Variants in GRIA3 observed in about 807,000 individuals in gnomAD.
GRIA3 encodes glutamate receptor 3.
GRIA3 carries 3 observed loss-of-function variants against 63.0 expected under a neutral mutation model. The ratio of observed to expected loss-of-function variants is 0.05; its 90% CI spans 0.02 to 0.12. The LOEUF (loss-of-function observed/expected upper bound fraction) is 0.12. Among genes scored for constraint, GRIA3 ranks in the 10% least tolerant of loss-of-function variants. The pLI, the probability that GRIA3 is intolerant of heterozygous loss-of-function variation, is 1.00. For missense variants in GRIA3, 347 were observed against 700.9 expected, an observed-to-expected ratio of 0.50 and a Z score of 5.70; for synonymous variants, 274 against 257.9, an observed-to-expected ratio of 1.06 and a Z score of -0.60.
intron 5 of GRIA3, among the ~76,000 whole-genome samples, chrX:123,381,989 TCAACCTTGAGGA>T (rs2045327325): frequency 8.9e-6 from 1 of 112,085 alleles, no homozygotes; most frequent in South Asian, 3.7e-4. Context: ...CTTGATCATC[TCAACCTTGAGGA>T]CTATTGGTTG....
chrX:123,300,747 T>C (rs776069585), intron 3 of GRIA3, among the ~76,000 whole-genome samples: 4 of 110,113 alleles, frequency 3.6e-5, no homozygotes, highest in Admixed American at 9.8e-5. Context: ...TTGGTTTTTT[T>C]AGCTGTGATG....
intron 5 of GRIA3, among the ~76,000 whole-genome samples, chrX:123,383,470 T>G (rs1218283938): frequency 9.0e-6 from 1 of 111,462 alleles, no homozygotes; most frequent in Non-Finnish European, 1.9e-5. Flanking sequence ...CTAACTATCA[T>G]TCTACTCTCT....
intron 3 of GRIA3, among the ~76,000 whole-genome samples, chrX:123,316,981 C>T (rs1262897055): frequency 9.0e-6 from 1 of 111,355 alleles, no homozygotes; most frequent in Non-Finnish European, 1.9e-5. Context: ...AAACTGGGAA[C>T]AAAAAAAGGT....
At chrX:123,360,236 A>G (rs954755933) in intron 5 of GRIA3, among the ~76,000 whole-genome samples, 15 of 110,725 alleles carry the variant, frequency 1.4e-4, no homozygotes, top group African/African-American at 4.6e-4. Context: ...CGCTCTTCCC[A>G]CTTTACCCAC....
At chrX:123,347,896 G>A (rs1302176286) in intron 4 of GRIA3, among the ~76,000 whole-genome samples, 1 of 111,703 alleles carries the variant, frequency 9.0e-6, no homozygotes, top group Non-Finnish European at 1.9e-5. Context: ...GGTGTGACGA[G>A]TTATTGATCC....
chrX:123,442,796 C>A (rs758002332), intron 12 of GRIA3, among the ~76,000 whole-genome samples: 2 of 109,938 alleles, frequency 1.8e-5, no homozygotes, highest in Non-Finnish European at 3.8e-5. Context: ...TAACCAAGAG[C>A]CACTCTTTGA....
chrX:123,323,233 G>A (rs1454206803), intron 3 of GRIA3, among the ~76,000 whole-genome samples: 1 of 111,539 alleles, frequency 9.0e-6, no homozygotes, highest in Non-Finnish European at 1.9e-5. Context: ...CACACATATA[G>A]AAACATATAG....
chrX:123,184,529 G>C lies in GRIA3; in HGVS notation c.-7G>C. The C allele has an allele frequency of 8.4e-7, 1 of 1,185,673 alleles. No homozygotes were observed. ...CATGCTCTTGTCAGCTTCGTTTTAG[G>C]CGTAGCATGGCCAGGCAGAAGAAAA... On this transcript the variant is annotated 5_prime_UTR_variant, in exon 1 of 16. Transcript: ENST00000620443.
chrX:123,287,226 A>G, intron 3 of GRIA3, among the ~76,000 whole-genome samples: 1 of 112,036 alleles, frequency 8.9e-6, no homozygotes, highest in Middle Eastern at 4.6e-3. Flanking sequence ...CCTCCATGCT[A>G]AAAACTCTCA....
intron 3 of GRIA3, among the ~76,000 whole-genome samples, chrX:123,258,103 T>G (rs2044429853): frequency 8.9e-6 from 1 of 112,444 alleles, no homozygotes; most frequent in Non-Finnish European, 1.9e-5. Context: ...ACACCCTCTT[T>G]CCTTACTATG....
intron 2 of GRIA3, among the ~76,000 whole-genome samples, chrX:123,236,543 T>A (rs192226919): frequency 2.2e-5 from 2 of 90,388 alleles, no homozygotes; most frequent in East Asian, 7.7e-4. Flanking sequence ...TCTATATGAA[T>A]TTTGGAGCAC....
rs924331733 is a variant in GRIA3 at position 123,489,968 on chromosome X, A to G, written c.*1258A>G. The G allele has an allele frequency of 1.8e-5, 2 of 112,464 alleles. No individual in the cohort carries two copies. Among genetic ancestry groups the G allele is most frequent in the African/African-American group, 6.5e-5 (2 of 30,865 alleles). The allele number at this position is 112,464 out of a possible 1,213,427, so 9.3% of individuals were successfully genotyped here. A position where few individuals can be genotyped will look rare whatever the true frequency, so the allele number is the denominator to read the frequency against. ...TCACTTCCAGATCCTTGCTTGGAGCAGTCTCTCTATTGACTCTCTCAGATC... is the reference window on the plus strand; with the variant it reads ...TCACTTCCAGATCCTTGCTTGGAGCGGTCTCTCTATTGACTCTCTCAGATC... On this transcript the variant is annotated 3_prime_UTR_variant, in exon 16 of 16. Transcript: ENST00000620443.
intron 6 of GRIA3, among the ~76,000 whole-genome samples, chrX:123,397,492 C>T (rs1398127852): frequency 8.9e-6 from 1 of 112,072 alleles, no homozygotes; most frequent in Non-Finnish European, 1.9e-5. Context: ...AGATTGCTGA[C>T]AATTTATGCA....
chrX:123,467,831 A>G (rs1480809357), intron 13 of GRIA3, among the ~76,000 whole-genome samples: 1 of 112,172 alleles, frequency 8.9e-6, no homozygotes, highest in Non-Finnish European at 1.9e-5. Flanking sequence ...GAAGACCCCA[A>G]AACTTTAGAC....
intron 15 of GRIA3, among the ~76,000 whole-genome samples, chrX:123,488,137 C>T (rs1001244376): frequency 2.7e-5 from 3 of 112,045 alleles, no homozygotes; most frequent in African/African-American, 6.5e-5. Context: ...GGGCAAAGAC[C>T]GCATTGATGC....
intron 5 of GRIA3, among the ~76,000 whole-genome samples, chrX:123,369,334 T>C (rs1358759190): frequency 2.7e-5 from 3 of 111,872 alleles, no homozygotes; most frequent in Non-Finnish European, 5.6e-5. Context: ...AGGCAAAACA[T>C]CTCTCTTTTT....
At chrX:123,240,842 G>C (rs1481026862) in intron 2 of GRIA3, among the ~76,000 whole-genome samples, 1 of 110,906 alleles carries the variant, frequency 9.0e-6, no homozygotes, top group Non-Finnish European at 1.9e-5. Flanking sequence ...CATAAAACTT[G>C]ATGATAAATG....
intron 2 of GRIA3, among the ~76,000 whole-genome samples, chrX:123,228,989 T>C (rs749159859): frequency 6.2e-5 from 7 of 112,054 alleles, no homozygotes; most frequent in Non-Finnish European, 1.3e-4. Context: ...GCAACACACT[T>C]GCTTAATTCA....
At chrX:123,311,122 C>A (rs1346355299) in intron 3 of GRIA3, among the ~76,000 whole-genome samples, 18 of 111,623 alleles carry the variant, frequency 1.6e-4, no homozygotes, top group Non-Finnish European at 3.2e-4. Context: ...GAAACTGAGT[C>A]CCAGAATGGA....
Sources: gnomAD v4.1 joint callset for allele counts (sites outside exome capture counted in the v4.1 genomes callset) on GRCh38, gnomAD v4.1.1 for gene constraint, MANE v1.5 for transcripts, NCBI Gene and HGNC (gene_info 2026-07-23, HGNC 2026-07-21) for gene names.